NRG3: variants seen among roughly 807,000 people sequenced by gnomAD.
NRG3 encodes the protein pro-neuregulin-3, membrane-bound isoform.
NRG3 carries 31 observed loss-of-function variants against 66.9 expected under a neutral mutation model. The observed-to-expected ratio is 0.46, with a 90% CI of 0.35 to 0.63. NRG3 has a LOEUF of 0.63. NRG3 is among the 20% of genes least tolerant of loss of function. The probability of loss-of-function intolerance (pLI) is 0.00; values close to 1 mark genes in which losing one functional copy is unlikely to be tolerated. For synonymous variants in NRG3, 393 were observed against 359.4 expected (o/e 1.09, Z -1.06); for missense variants, 910 against 878.9 (o/e 1.04, Z -0.45).
chr10:82,244,494 G>C (rs1382477735), intron 1 of NRG3, among the ~76,000 whole-genome samples: 1 of 152,114 alleles, frequency 6.6e-6, no homozygotes, highest in African/African-American at 2.4e-5. Flanking sequence ...GAAAAATAAG[G>C]ACGATGGAAT....
intron 1 of NRG3, among the ~76,000 whole-genome samples, chr10:82,068,986 C>G (rs2064649740): frequency 1.3e-5 from 2 of 152,114 alleles, no homozygotes; most frequent in Admixed American, 1.3e-4. Context: ...TTTGAGTTAA[C>G]AGCATGTCCA....
At chr10:82,385,767 G>A (rs1255118563) in intron 2 of NRG3, among the ~76,000 whole-genome samples, 1 of 152,118 alleles carries the variant, frequency 6.6e-6, no homozygotes, top group African/African-American at 2.4e-5. Context: ...ATTTAGTAAG[G>A]TGTGTTTATA....
At chr10:82,825,598 T>G (rs1205522041) in intron 3 of NRG3, among the ~76,000 whole-genome samples, 1 of 152,236 alleles carries the variant, frequency 6.6e-6, no homozygotes, top group African/African-American at 2.4e-5. Flanking sequence ...CTTACTGGTT[T>G]GGACTTCTTT....
At chr10:82,492,670 T>C (rs533904510) in intron 2 of NRG3, among the ~76,000 whole-genome samples, 1 of 152,354 alleles carries the variant, frequency 6.6e-6, no homozygotes, top group Admixed American at 6.5e-5. Flanking sequence ...AAGTTGAATG[T>C]ATAAGTTCAC....
At position 82,883,296 on chromosome 10, in the gene NRG3, T is replaced by G. The variant is rs963458497; in HGVS notation, c.1054+17859T>G. ...TTATTTCTGTGAATAAATGATATAT[T>G]ATTATTAATTATACATTTAGAAGAA... On this transcript the variant is annotated intron_variant, in intron 4 of 8. Transcript: ENST00000372141. Among the ~76,000 whole-genome samples the G allele has an allele frequency of 6.3e-4, 96 of 152,256 alleles. 1 individual carries two copies. Among genetic ancestry groups the G allele is most frequent in the African/African-American group, 2.2e-3 (91 of 41,560 alleles).
At chr10:82,903,860 T>A (rs1305244976) in intron 4 of NRG3, among the ~76,000 whole-genome samples, 2 of 152,080 alleles carry the variant, frequency 1.3e-5, no homozygotes, top group Non-Finnish European at 2.9e-5. Context: ...AACTTCCACA[T>A]TGTCCAAGGC....
intron 4 of NRG3, among the ~76,000 whole-genome samples, chr10:82,920,946 T>C (rs1259906065): frequency 2.0e-5 from 3 of 152,136 alleles, no homozygotes; most frequent in Non-Finnish European, 2.9e-5. Context: ...TTTCAAATAA[T>C]TTATTTTGCT....
At chr10:82,850,834 G>A (rs879902366) in intron 3 of NRG3, among the ~76,000 whole-genome samples, 2 of 152,096 alleles carry the variant, frequency 1.3e-5, no homozygotes, top group African/African-American at 2.4e-5. Context: ...TAATTAAATA[G>A]CTTCTTAATT....
chr10:82,545,663 G>A lies in NRG3; in HGVS notation c.953+186795G>A, dbSNP rs532134856. Among the ~76,000 whole-genome samples, 8 of 151,820 alleles carry A rather than the reference G, an allele frequency of 5.3e-5. No individual in the cohort carries two copies. In the East Asian group the frequency reaches 1.6e-3, roughly 30 times the overall value. ...CCCAAAGTGCTGGGATTACAGGCGT[G>A]AGCCACCGTGCCCAGCCGCCAATAA... On this transcript the variant is annotated intron_variant, in intron 2 of 8. Coordinates refer to ENST00000372141, the MANE Select transcript of NRG3 (RefSeq NM_001010848.4).
intron 1 of NRG3, among the ~76,000 whole-genome samples, chr10:82,322,154 T>A (rs2081612283): frequency 6.6e-6 from 1 of 152,200 alleles, no homozygotes; most frequent in Non-Finnish European, 1.5e-5. Context: ...AGAGGCAACA[T>A]CAAAATACGA....
At chr10:82,433,636 G>A (rs2089959467) in intron 2 of NRG3, among the ~76,000 whole-genome samples, 1 of 152,170 alleles carries the variant, frequency 6.6e-6, no homozygotes, top group Non-Finnish European at 1.5e-5. Context: ...TAAGGTGTGA[G>A]GAAGAGGTCC....
chr10:82,539,127 CA>C (rs1388627694), intron 2 of NRG3, among the ~76,000 whole-genome samples: 4 of 152,220 alleles, frequency 2.6e-5, no homozygotes, highest in Non-Finnish European at 2.9e-5. Flanking sequence ...GCCAACTGGA[CA>C]GCTCATTGTC....
intron 2 of NRG3, among the ~76,000 whole-genome samples, chr10:82,682,402 T>C (rs777416093): frequency 6.6e-4 from 56 of 85,318 alleles, no homozygotes; most frequent in African/African-American, 2.0e-3. Flanking sequence ...GATAGACAGA[T>C]AGATAGATAG....
At chr10:82,895,559 C>A (rs184717757) in intron 4 of NRG3, among the ~76,000 whole-genome samples, 1 of 146,638 alleles carries the variant, frequency 6.8e-6, no homozygotes, top group Non-Finnish European at 1.5e-5. Context: ...GGCACGATCT[C>A]GGCTCACTGC....
chr10:81,992,153 CTG>C (rs2060766909), intron 1 of NRG3, among the ~76,000 whole-genome samples: 1 of 151,908 alleles, frequency 6.6e-6, no homozygotes, highest in African/African-American at 2.4e-5. Flanking sequence ...AAAATTGAAA[CTG>C]TGAACAATGT....
At chr10:82,953,481 A>C (rs1362641619) in intron 5 of NRG3, among the ~76,000 whole-genome samples, 5 of 151,830 alleles carry the variant, frequency 3.3e-5, no homozygotes, top group African/African-American at 4.9e-5. Flanking sequence ...ATAGCACTTT[A>C]TGTTCTCCAA....
intron 1 of NRG3, among the ~76,000 whole-genome samples, chr10:82,105,224 G>T (rs1474955370): frequency 1.3e-5 from 2 of 152,052 alleles, no homozygotes; most frequent in Non-Finnish European, 2.9e-5. Context: ...TTATAGAATT[G>T]GCAGATTCAA....
chr10:82,243,695 C>T (rs2077106212), intron 1 of NRG3, among the ~76,000 whole-genome samples: 1 of 152,144 alleles, frequency 6.6e-6, no homozygotes, highest in South Asian at 2.1e-4. Flanking sequence ...ATAAGTTACT[C>T]CAACTTTCCC....
chr10:82,128,658 A>G (rs2068615386), intron 1 of NRG3, among the ~76,000 whole-genome samples: 1 of 152,030 alleles, frequency 6.6e-6, no homozygotes, highest in African/African-American at 2.4e-5. Context: ...TGAGTCATGG[A>G]TTGTTGATTA....
Sources: gnomAD v4.1 joint callset for allele counts (sites outside exome capture counted in the v4.1 genomes callset) on GRCh38, gnomAD v4.1.1 for gene constraint, MANE v1.5 for transcripts, NCBI Gene and HGNC (gene_info 2026-07-23, HGNC 2026-07-21) for gene names.